The following PDE3A variants were observed in gnomAD, a reference collection of about 807,000 sequenced individuals.
PDE3A encodes phosphodiesterase 3A.
Under a neutral mutation model 98.3 loss-of-function variants are expected in PDE3A, and 43 were observed. That is an observed-to-expected ratio of 0.44 (90% CI 0.34 to 0.56). The LOEUF is 0.56. Among genes scored for constraint, PDE3A ranks in the 20% least tolerant of loss-of-function variants. The pLI is 0.01. For synonymous variants in PDE3A, 663 were observed against 567.9 expected, an observed-to-expected ratio of 1.17 and a Z score of -2.38; for missense variants, 1,427 against 1,440.7, an observed-to-expected ratio of 0.99 and a Z score of 0.15.
intron 2 of PDE3A, among the ~76,000 whole-genome samples, chr12:20,570,629 G>A (rs1942782977): frequency 6.6e-6 from 1 of 152,096 alleles, no homozygotes; most frequent in Non-Finnish European, 1.5e-5. Context: ...TGTGCATAGA[G>A]AAGTGTCTGT....
In PDE3A at chr12:20,552,418, C is replaced by T. The variant is rs1301791332; in HGVS notation, c.961-4242C>T. On this transcript the variant is annotated intron_variant, in intron 1 of 15. Transcript: ENST00000359062. The surrounding 1 kb of genome is among the most constrained non-coding windows in gnomAD (Gnocchi z 5.1). Reference sequence around the variant, plus strand: ...CCCTTGGACGAAGGAGGGGAAGGACCGGATCAAGAAGCTGGGGCTGACCAT... The same window carrying T: ...CCCTTGGACGAAGGAGGGGAAGGACTGGATCAAGAAGCTGGGGCTGACCAT... 8.1e-6 allele frequency: 13 copies of T among 1,612,864 alleles called. No homozygotes were observed. The highest frequency in any genetic ancestry group is 2.2e-5 in the East Asian group (1 of 44,842).
At chr12:20,512,682 T>C (rs1468524288) in intron 1 of PDE3A, among the ~76,000 whole-genome samples, 1 of 152,122 alleles carries the variant, frequency 6.6e-6, no homozygotes, top group Non-Finnish European at 1.5e-5. Context: ...CAGGAGTTTC[T>C]GAGCATCTTA....
intron 1 of PDE3A, among the ~76,000 whole-genome samples, chr12:20,404,958 G>C (rs1435564846): frequency 6.7e-6 from 1 of 150,246 alleles, no homozygotes; most frequent in Non-Finnish European, 1.5e-5. Flanking sequence ...CTCAAGGACA[G>C]AGTTTTCTGC....
At chr12:20,521,205 G>T (rs137957795) in intron 1 of PDE3A, among the ~76,000 whole-genome samples, 5 of 151,836 alleles carry the variant, frequency 3.3e-5, no homozygotes, top group African/African-American at 9.7e-5. Context: ...AAACAGGCTG[G>T]CTGGACAGGA....
chr12:20,542,043 T>C (rs1941926942), intron 1 of PDE3A, among the ~76,000 whole-genome samples: 1 of 152,044 alleles, frequency 6.6e-6, no homozygotes, highest in Non-Finnish European at 1.5e-5. Flanking sequence ...TAGTATATAT[T>C]GTAGTCCGTC....
Position 20,682,735 on chromosome 12 carries a change from A to G in PDE3A, c.*2464A>G, listed in dbSNP as rs1945825025. 6.6e-6 allele frequency: 1 copy of G among 152,180 alleles called. No homozygotes were observed. Among genetic ancestry groups the G allele is most frequent in the African/African-American group, 2.4e-5 (1 of 41,458 alleles). 9.4% of individuals were successfully genotyped at this position (152,180 alleles called of 1,614,324 possible). A position where few individuals can be genotyped will look rare whatever the true frequency, so the allele number is the denominator to read the frequency against. On this transcript the variant is annotated 3_prime_UTR_variant, in exon 16 of 16. Transcript: ENST00000359062. ...TCCTTGCAATTAAGGGGAAAAAAGC[A>G]TTTATCTTATCTTCTCATACCCCTT...
At chr12:20,612,896 A>C (rs1324936956) in intron 2 of PDE3A, among the ~76,000 whole-genome samples, 1 of 151,768 alleles carries the variant, frequency 6.6e-6, no homozygotes, top group Non-Finnish European at 1.5e-5. Context: ...TCCAACCAAC[A>C]ACAGGAAGAG....
At chr12:20,600,178 T>C (rs1000506520) in intron 2 of PDE3A, among the ~76,000 whole-genome samples, 3 of 152,188 alleles carry the variant, frequency 2.0e-5, no homozygotes, top group African/African-American at 7.2e-5. Context: ...GAAATGACCA[T>C]ATATATGTCT....
At chr12:20,567,572 T>C (rs1942693180) in intron 2 of PDE3A, among the ~76,000 whole-genome samples, 1 of 151,972 alleles carries the variant, frequency 6.6e-6, no homozygotes. Flanking sequence ...GACTTTTTCA[T>C]ACAGGAACAT....
At chr12:20,599,884 C>A (rs754889646) in intron 2 of PDE3A, among the ~76,000 whole-genome samples, 3 of 152,160 alleles carry the variant, frequency 2.0e-5, no homozygotes, top group Non-Finnish European at 4.4e-5. Flanking sequence ...CAGTGTTTCA[C>A]TGAAACTGTA....
intron 1 of PDE3A, among the ~76,000 whole-genome samples, chr12:20,482,265 G>T (rs779875356): frequency 4.7e-5 from 7 of 150,368 alleles, no homozygotes; most frequent in Non-Finnish European, 8.9e-5. Context: ...ACCTGATGTA[G>T]AAGAATGTTT....
rs1365209371 is a variant in PDE3A, at chr12:20,685,067, T to G, written c.*4796T>G. ...TTTACCTAACTTGAAGTGCTTTTTG[T>G]GTTCCCACCAGCAAATCATTCTAAC... On this transcript the variant is annotated 3_prime_UTR_variant, in exon 16 of 16. Coordinates refer to ENST00000359062, the MANE Select transcript of PDE3A (RefSeq NM_000921.5). 6.6e-6 allele frequency among the ~76,000 whole-genome samples: 1 copy of G among 152,206 alleles called. No individual in the cohort carries two copies. Among genetic ancestry groups the G allele is most frequent in the African/African-American group, 2.4e-5 (1 of 41,462 alleles).
chr12:20,397,019 T>A (rs74350391), intron 1 of PDE3A, among the ~76,000 whole-genome samples: 7 of 52,582 alleles, frequency 1.3e-4, no homozygotes, highest in East Asian at 6.8e-4. Flanking sequence ...ATATAGAAAA[T>A]TTTTTTTAAG....
chr12:20,521,441 C>A (rs576167335), intron 1 of PDE3A, among the ~76,000 whole-genome samples: 5 of 152,122 alleles, frequency 3.3e-5, no homozygotes, highest in African/African-American at 1.2e-4. Flanking sequence ...ATTGAATACT[C>A]AGTTGTGAAT....
At chr12:20,640,542 G>T (rs73236383) in intron 10 of PDE3A, among the ~76,000 whole-genome samples, 1 of 151,878 alleles carries the variant, frequency 6.6e-6, no homozygotes, top group African/African-American at 2.4e-5. Context: ...AAAATGATAA[G>T]AAACACTTAA....
intron 1 of PDE3A, among the ~76,000 whole-genome samples, chr12:20,472,805 T>G (rs1945462949): frequency 6.6e-6 from 1 of 152,198 alleles, no homozygotes; most frequent in South Asian, 2.1e-4. Flanking sequence ...GTTGGAAAAG[T>G]AAACAGCTTA....
intron 2 of PDE3A, among the ~76,000 whole-genome samples, chr12:20,592,537 C>A (rs867177066): frequency 5.3e-5 from 8 of 152,158 alleles, no homozygotes; most frequent in African/African-American, 1.9e-4. Flanking sequence ...ACGAAAGCCA[C>A]TTTCTGTGAA....
intron 1 of PDE3A, among the ~76,000 whole-genome samples, chr12:20,398,622 C>A (rs1018915456): frequency 6.6e-6 from 1 of 151,920 alleles, no homozygotes; most frequent in Non-Finnish European, 1.5e-5. Flanking sequence ...TTCATTATAG[C>A]CCATGTGCAG....
At chr12:20,675,683 C>T (rs961363479) in intron 15 of PDE3A, among the ~76,000 whole-genome samples, 3 of 152,294 alleles carry the variant, frequency 2.0e-5, no homozygotes, top group Admixed American at 6.5e-5. Flanking sequence ...TATCCTCTTA[C>T]TGAATTGATC....
Sources: allele counts gnomAD v4.1 joint callset (sites outside exome capture counted in the v4.1 genomes callset), GRCh38; gene constraint gnomAD v4.1.1; non-coding constraint Gnocchi (gnomAD v3.1); transcripts MANE v1.5; gene names NCBI Gene and HGNC (gene_info 2026-07-23, HGNC 2026-07-21).